NCAM1: variants seen among roughly 807,000 people sequenced by gnomAD.
NCAM1 encodes neural cell adhesion molecule 1, also known as antigen recognized by monoclonal antibody 5.1H11.
In NCAM1, 14 loss-of-function variants were observed where a neutral mutation model predicts 109.8. The observed-to-expected ratio is 0.13, with a 90% CI of 0.08 to 0.20. The LOEUF (loss-of-function observed/expected upper bound fraction) is 0.20. Ranked by LOEUF, NCAM1 falls within the 10% of genes least tolerant of loss-of-function variation. NCAM1 has a pLI of 1.00. For missense variants in NCAM1, 774 were observed against 1,109.9 expected (o/e 0.70, Z 4.30); for synonymous variants, 418 against 442.9 (o/e 0.94, Z 0.70).
rs1167092555 is a variant in NCAM1, at chr11:113,067,936, A to C, written c.52+106272A>C. On this transcript the variant is annotated intron_variant, in intron 1 of 19. Coordinates refer to ENST00000316851, the MANE Select transcript of NCAM1 (RefSeq NM_181351.5). ...TTTTTTTTTTTTTTTTTTGAGACGG[A>C]GTCTCGCTCTGTCACCCAGGCTGAA... is the stretch of plus-strand genomic sequence containing the variant. 3.3e-5 allele frequency among the ~76,000 whole-genome samples: 4 copies of C among 119,646 alleles called. No individual in the cohort carries two copies. In the South Asian group the frequency reaches 8.2e-4, roughly 24 times the overall value. The allele number at this position is 119,646 out of a possible 152,430, so 78.5% of individuals were successfully genotyped here. A position where few individuals can be genotyped will look rare whatever the true frequency, so the allele number is the denominator to read the frequency against.
intron 1 of NCAM1, among the ~76,000 whole-genome samples, chr11:112,977,714 ATCT>A (rs1338949395): frequency 3.3e-5 from 5 of 151,890 alleles, no homozygotes; most frequent in Non-Finnish European, 7.4e-5. Flanking sequence ...TTATTGTGTA[ATCT>A]TCTGTTTAAA....
Position 113,271,840 on chromosome 11 carries a change from C to T in NCAM1, c.2420C>T (p.Thr807Ile). Residue 807 changes from threonine to isoleucine, a missense_variant, in exon 19 of 20, where the codon ACA (threonine) becomes ATA (isoleucine). Thr to Ile is a moderately conservative substitution (Grantham distance 89, BLOSUM62 -1). Around this residue, in one of 4 missense-constraint regions of NCAM1, gnomAD observed 122 missense variants for 129.7 expected, o/e 0.94. Transcript: ENST00000316851. ...CCAAACCATGATGGAGGGAAACACA[C>T]AGAGCCCAACGAGACCACGCCACTG... The part of the protein sequence containing the change: ...RTPNHDGGKH[T>I]EPNETTPLTE... 6.4e-7 allele frequency: 1 copy of T among 1,572,798 alleles called. No homozygotes were observed. The highest frequency in any genetic ancestry group is 8.6e-7 in the Non-Finnish European group (1 of 1,159,460).
chr11:113,164,885 T>C (rs1162857318), intron 1 of NCAM1, among the ~76,000 whole-genome samples: 1 of 152,138 alleles, frequency 6.6e-6, no homozygotes, highest in African/African-American at 2.4e-5. Context: ...TCCAACCTTC[T>C]AATCATGATT....
chr11:113,059,845 A>G (rs944318265), intron 1 of NCAM1, among the ~76,000 whole-genome samples: 3 of 152,278 alleles, frequency 2.0e-5, no homozygotes, highest in Non-Finnish European at 4.4e-5. Context: ...AAAAAGCTTG[A>G]TTTTAGGGGT....
intron 1 of NCAM1, among the ~76,000 whole-genome samples, chr11:113,097,924 C>T (rs1438842994): frequency 6.6e-6 from 1 of 152,066 alleles, no homozygotes; most frequent in East Asian, 1.9e-4. Context: ...TTTCTTCATA[C>T]CTAAATATTT....
chr11:113,111,538 C>T (rs1469486014), intron 1 of NCAM1, among the ~76,000 whole-genome samples: 1 of 152,158 alleles, frequency 6.6e-6, no homozygotes, highest in Non-Finnish European at 1.5e-5. Context: ...GGAGGACACA[C>T]AGGAACTGTT....
chr11:113,266,177 G>A (rs1555124377), intron 17 of NCAM1, among the ~76,000 whole-genome samples: 1 of 152,124 alleles, frequency 6.6e-6, no homozygotes. Context: ...GCAGGAGATG[G>A]CCTTTGTTCT....
chr11:113,059,222 G>A (rs1338810442), intron 1 of NCAM1, among the ~76,000 whole-genome samples: 1 of 152,152 alleles, frequency 6.6e-6, no homozygotes, highest in African/African-American at 2.4e-5. Flanking sequence ...TTAAGATAGT[G>A]AGCTCAACCA....
At chr11:113,204,634 A>T in intron 3 of NCAM1, 130 bp downstream of exon 3, 1 of 928,572 alleles carries the variant, frequency 1.1e-6, no homozygotes, top group African/African-American at 1.7e-5. Context: ...TCTCTCCCTA[A>T]GTCTTTTCTG....
In NCAM1 at chr11:112,963,100, A is replaced by T. The variant is rs1195855063; in HGVS notation, c.52+1436A>T. ...CCTCCCACGGCGACCAATCAGTGCGAAGCTGGCTGGGCGGGAAGCCGCGAG... is the reference window on the plus strand; with the variant it reads ...CCTCCCACGGCGACCAATCAGTGCGTAGCTGGCTGGGCGGGAAGCCGCGAG... On this transcript the variant is annotated intron_variant, in intron 1 of 19. Coordinates refer to ENST00000316851, the MANE Select transcript of NCAM1 (RefSeq NM_181351.5). The surrounding 1 kb of genome is among the most constrained non-coding windows in gnomAD (Gnocchi z 4.6). 4 of 152,264 alleles carry T rather than the reference A, an allele frequency of 2.6e-5. No homozygotes were observed. The highest frequency in any genetic ancestry group is 5.9e-5 in the Non-Finnish European group (4 of 68,236). 9.4% of individuals were successfully genotyped at this position (152,264 alleles called of 1,614,324 possible).
At chr11:113,175,948 T>A (rs1278705136) in intron 1 of NCAM1, among the ~76,000 whole-genome samples, 1 of 152,208 alleles carries the variant, frequency 6.6e-6, no homozygotes, top group Non-Finnish European at 1.5e-5. Context: ...TTACCCTGAT[T>A]TGATTATGTG....
chr11:113,140,287 C>T (rs1941766344), intron 1 of NCAM1, among the ~76,000 whole-genome samples: 1 of 152,052 alleles, frequency 6.6e-6, no homozygotes, highest in African/African-American at 2.4e-5. Context: ...TCTAAGCCAG[C>T]CTTTTACAGG....
At chr11:113,140,307 C>T (rs1941766958) in intron 1 of NCAM1, among the ~76,000 whole-genome samples, 1 of 152,064 alleles carries the variant, frequency 6.6e-6, no homozygotes, top group South Asian at 2.1e-4. Context: ...GTGTAGGAAA[C>T]CTCTCTGTGG....
At chr11:113,050,849 G>A (rs1482449991) in intron 1 of NCAM1, among the ~76,000 whole-genome samples, 4 of 152,022 alleles carry the variant, frequency 2.6e-5, no homozygotes, top group Non-Finnish European at 5.9e-5. Context: ...AAATCATACA[G>A]TTAAATATTC....
At chr11:112,989,309 C>CT (rs1291231798) in intron 1 of NCAM1, among the ~76,000 whole-genome samples, 2 of 151,940 alleles carry the variant, frequency 1.3e-5, no homozygotes, top group South Asian at 2.1e-4. Context: ...ATTATTTTTC[C>CT]TTTTTTCCCT....
intron 8 of NCAM1, among the ~76,000 whole-genome samples, chr11:113,220,584 TTCTCTC>T (rs1300315366): frequency 6.4e-5 from 9 of 140,152 alleles, no homozygotes; most frequent in Non-Finnish European, 1.1e-4. Context: ...AGGAGACCTA[TTCTCTC>T]TCTCTCTCTC....
chr11:113,237,571 C>G (rs1476447744), intron 14 of NCAM1, among the ~76,000 whole-genome samples: 1 of 152,154 alleles, frequency 6.6e-6, no homozygotes, highest in African/African-American at 2.4e-5. Flanking sequence ...TAAGCAAGTT[C>G]GAGAGGAGCC....
intron 14 of NCAM1, among the ~76,000 whole-genome samples, chr11:113,241,349 ACAGTGTCTGG>A (rs1323294687): frequency 3.3e-5 from 5 of 151,928 alleles, no homozygotes; most frequent in Admixed American, 6.6e-5. Flanking sequence ...GGGAAAATAA[ACAGTGTCTGG>A]CAGTGTCTGG....
At chr11:113,162,882 G>C (rs891823452) in intron 1 of NCAM1, among the ~76,000 whole-genome samples, 1 of 152,160 alleles carries the variant, frequency 6.6e-6, no homozygotes, top group Non-Finnish European at 1.5e-5. Flanking sequence ...ATTCGAAATG[G>C]ACGTTCAGTT....
Sources: gnomAD v4.1 joint callset for allele counts (sites outside exome capture counted in the v4.1 genomes callset) on GRCh38, gnomAD v4.1.1 for gene constraint, gnomAD v4.1.1 regional missense constraint, Gnocchi (gnomAD v3.1) non-coding constraint, MANE v1.5 for transcripts, NCBI Gene and HGNC (gene_info 2026-07-23, HGNC 2026-07-21) for gene names.